CUL3: variants seen among roughly 807,000 people sequenced by gnomAD.
CUL3 encodes the protein cullin 3.
A neutral mutation model predicts 89.1 loss-of-function variants in CUL3; 19 were observed. The ratio of observed to expected loss-of-function variants is 0.21; its 90% CI spans 0.15 to 0.31. The LOEUF (loss-of-function observed/expected upper bound fraction) is 0.31, where lower values mean the gene tolerates loss of function less well. Among genes scored for constraint, CUL3 ranks in the 10% least tolerant of loss-of-function variants. The probability of loss-of-function intolerance (pLI) is 1.00; values close to 1 mark genes in which losing one functional copy is unlikely to be tolerated. For missense variants in CUL3, 469 were observed against 942.3 expected (o/e 0.50, Z 6.58); for synonymous variants, 351 against 308.4 (o/e 1.14, Z -1.45).
At chr2:224,524,424 G>C (rs1238216737) in intron 3 of CUL3, among the ~76,000 whole-genome samples, 2 of 152,154 alleles carry the variant, frequency 1.3e-5, no homozygotes, top group African/African-American at 2.4e-5. Flanking sequence ...ATGACACCAA[G>C]AATCCAAACA....
At chr2:224,518,725 T>A (rs1693156104) in intron 3 of CUL3, among the ~76,000 whole-genome samples, 1 of 152,312 alleles carries the variant, frequency 6.6e-6, no homozygotes, top group South Asian at 2.1e-4. Flanking sequence ...AAAACATTAA[T>A]ATCATTTCCT....
At chr2:224,580,900 A>C (rs1458806851) in intron 1 of CUL3, among the ~76,000 whole-genome samples, 2 of 150,688 alleles carry the variant, frequency 1.3e-5, no homozygotes, top group Non-Finnish European at 1.5e-5. Flanking sequence ...TTTTTTTAAG[A>C]CAAGAGTCTT....
intron 1 of CUL3, chr2:224,569,579 T>C: frequency 2.3e-6 from 1 of 443,564 alleles, no homozygotes; most frequent in African/African-American, 2.1e-5. Flanking sequence ...ATAATGGTCT[T>C]TGTTTTCTTT....
intron 1 of CUL3, among the ~76,000 whole-genome samples, chr2:224,579,125 A>T (rs1018489403): frequency 6.6e-5 from 10 of 152,226 alleles, no homozygotes; most frequent in African/African-American, 1.9e-4. Context: ...AAGACAAGAC[A>T]AAATAAATAC....
At chr2:224,576,194 CA>C (rs1466138541) in intron 1 of CUL3, among the ~76,000 whole-genome samples, 1 of 152,062 alleles carries the variant, frequency 6.6e-6, no homozygotes, top group East Asian at 1.9e-4. Flanking sequence ...AACCTCAATT[CA>C]AAAAGATAAG....
chr2:224,569,768 A>G, intron 1 of CUL3: 1 of 1,199,674 alleles, frequency 8.3e-7, no homozygotes, highest in Non-Finnish European at 1.1e-6. Flanking sequence ...GTGAATTCTT[A>G]ACATCTACTA....
At chr2:224,499,497 T>G (rs1029391049) in intron 11 of CUL3, 2 of 236,494 alleles carry the variant, frequency 8.5e-6, no homozygotes, top group African/African-American at 4.6e-5. Flanking sequence ...TCAGATCTGG[T>G]TTGAGGTTAA....
chr2:224,490,776 TCC>T (rs1487653842), intron 13 of CUL3, among the ~76,000 whole-genome samples: 1 of 152,006 alleles, frequency 6.6e-6, no homozygotes, highest in Non-Finnish European at 1.5e-5. Context: ...GCTTCTGGAC[TCC>T]CTTTTGTTCA....
rs137873357 is a variant in CUL3, at chr2:224,543,939, C to A, written c.265-8298G>T. Among the ~76,000 whole-genome samples the A allele has an allele frequency of 3.1e-3, 469 of 152,048 alleles. 2 individuals are homozygous for A. The highest frequency in any genetic ancestry group is 0.01 in the African/African-American group (428 of 41,468). ...GGTGGAAGCTGCAGTGAGCCGAGAT[C>A]ATGCCACTACACTCCAGCTAGGGTG... On this transcript the variant is annotated intron_variant, in intron 2 of 15. Coordinates refer to ENST00000264414, the MANE Select transcript of CUL3 (RefSeq NM_003590.5).
chr2:224,502,909 C>A (rs1692446495), intron 10 of CUL3, 56 bp downstream of exon 10: 10 of 1,181,880 alleles, frequency 8.5e-6, no homozygotes, highest in African/African-American at 1.5e-5. Context: ...TGAAAATATA[C>A]CCATTACAAA....
rs569689825 is a variant in CUL3, at chr2:224,561,623, C to A, written c.67-3767G>T. Among the ~76,000 whole-genome samples, 5 of 152,282 alleles carry A rather than the reference C, an allele frequency of 3.3e-5. No homozygotes were observed. The South Asian group carries it at 1.0e-3, about 32-fold the overall frequency. ...CTTTTACCGAAATCCTATCCAAGACCTAAGTCTGTCAGAGACTTTTATCAA... is the reference window on the plus strand; with the variant it reads ...CTTTTACCGAAATCCTATCCAAGACATAAGTCTGTCAGAGACTTTTATCAA... On this transcript the variant is annotated intron_variant, in intron 1 of 15. Coordinates refer to ENST00000264414, the MANE Select transcript of CUL3 (RefSeq NM_003590.5).
At position 224,503,002 on chromosome 2, in the gene CUL3, G is replaced by A. The variant is rs774263455; in HGVS notation, c.1448C>T (p.Thr483Met). ...TAGATGTTGCCTGAATTCATCCATC[G>A]TTGTGTTTGAGATGCTCATATCCCT... The part of the protein sequence containing the change: ...MFRDMSISNT[T>M]MDEFRQHLQA... The change falls in exon 10 of 16, where the codon ACG (threonine) becomes ATG (methionine). Residue 483 changes from threonine to methionine, a missense_variant. Around this residue, in one of 4 missense-constraint regions of CUL3, gnomAD observed 370 missense variants for 733.2 expected, o/e 0.50. Transcript: ENST00000264414. 2.4e-5 allele frequency: 39 copies of A among 1,613,770 alleles called. No individual in the cohort carries two copies. The Admixed American group carries it at 5.5e-4, about 23-fold the overall frequency.
chr2:224,517,990 C>T (rs767648318), intron 3 of CUL3, among the ~76,000 whole-genome samples: 3 of 152,040 alleles, frequency 2.0e-5, no homozygotes, highest in South Asian at 2.1e-4. Flanking sequence ...AAGTACAATT[C>T]GAATACACAG....
intron 10 of CUL3, among the ~76,000 whole-genome samples, chr2:224,502,608 G>A (rs1452711987): frequency 6.6e-6 from 1 of 152,160 alleles, no homozygotes; most frequent in Admixed American, 6.5e-5. Flanking sequence ...CAATCTTGGG[G>A]TAAAGTGAAA....
intron 10 of CUL3, 91 bp from the exon 11 acceptor site, chr2:224,500,578 G>T: frequency 8.8e-7 from 1 of 1,139,534 alleles, no homozygotes; most frequent in Non-Finnish European, 1.2e-6. Flanking sequence ...TACCAAAGCA[G>T]TTAGCTCCAT....
chr2:224,476,810 G>A (rs1691339008), intron 15 of CUL3, among the ~76,000 whole-genome samples: 2 of 151,850 alleles, frequency 1.3e-5, no homozygotes, highest in South Asian at 4.2e-4. Flanking sequence ...ATATAAACAT[G>A]CTCAGTATCC....
intron 9 of CUL3, among the ~76,000 whole-genome samples, chr2:224,503,306 TTTAACTAGCATCTCAGGTGA>T (rs1230844169): frequency 6.6e-6 from 1 of 152,204 alleles, no homozygotes; most frequent in African/African-American, 2.4e-5. Flanking sequence ...CAGAACTGTT[TTTAACTAGCATCTCAGGTGA>T]TTCACGTGCA....
rs1255394230 is a variant in CUL3, at chr2:224,514,671, A to G, written c.480T>C (p.His160=). The change falls in exon 4 of 16, where the codon CAT becomes CAC. Residue 160 remains histidine (H), a synonymous_variant. Transcript: ENST00000264414. ...QVVRYGCIRD[H]LRQTLLDMIA... ...TCATATCCAATAGAGTTTGCCGTAG[A>G]TGATCCCTAATACACCCATAACGTA... The G allele has an allele frequency of 1.2e-6, 2 of 1,613,720 alleles. No homozygotes were observed.
chr2:224,525,839 A>G (rs923544123), intron 3 of CUL3, among the ~76,000 whole-genome samples: 2 of 152,200 alleles, frequency 1.3e-5, no homozygotes, highest in African/African-American at 4.8e-5. Flanking sequence ...CAGACACTAC[A>G]TCTAGCTGTT....
Sources: allele counts gnomAD v4.1 joint callset (sites outside exome capture counted in the v4.1 genomes callset), GRCh38; gene constraint gnomAD v4.1.1; regional missense constraint gnomAD v4.1.1; transcripts MANE v1.5; gene names NCBI Gene and HGNC (gene_info 2026-07-23, HGNC 2026-07-21).